The following PPFIBP2 variants were observed in gnomAD, a reference collection of about 807,000 sequenced individuals.
The protein encoded by PPFIBP2 is liprin-beta-2.
PPFIBP2 carries 118 observed loss-of-function variants against 118.3 expected under a neutral mutation model. That is an observed-to-expected ratio of 1.00 (90% CI 0.86 to 1.16). The LOEUF (loss-of-function observed/expected upper bound fraction) is 1.16, where lower values mean the gene tolerates loss of function less well. PPFIBP2 is among the 50% of genes most tolerant of loss of function. The pLI is 0.00. For missense variants in PPFIBP2, 1,195 were observed against 1,073.1 expected (o/e 1.11, Z -1.59); for synonymous variants, 414 against 397.4 (o/e 1.04, Z -0.50).
intron 14 of PPFIBP2, among the ~76,000 whole-genome samples, chr11:7,637,170 G>A (rs973899496): frequency 6.6e-6 from 1 of 152,188 alleles, no homozygotes; most frequent in Non-Finnish European, 1.5e-5. Context: ...ACCTTCTCAT[G>A]TGCATGGATC....
At chr11:7,613,026 G>T (rs945433517) in intron 6 of PPFIBP2, among the ~76,000 whole-genome samples, 1 of 152,146 alleles carries the variant, frequency 6.6e-6, no homozygotes, top group Admixed American at 6.5e-5. Context: ...TACTGCTGCT[G>T]TTTTTTCCAG....
chr11:7,641,665 C>A, intron 16 of PPFIBP2, 45 bp downstream of exon 16: 1 of 1,594,240 alleles, frequency 6.3e-7, no homozygotes, highest in African/African-American at 1.3e-5. Context: ...TAGAATTTTT[C>A]TTTTTGATTG....
intron 1 of PPFIBP2, among the ~76,000 whole-genome samples, chr11:7,517,650 G>A (rs1368628768): frequency 1.3e-5 from 2 of 152,140 alleles, no homozygotes; most frequent in Non-Finnish European, 2.9e-5. Context: ...CTCGGGGTTA[G>A]GAGACTTGTC....
chr11:7,578,740 G>A (rs1250605016), intron 3 of PPFIBP2, among the ~76,000 whole-genome samples: 3 of 152,184 alleles, frequency 2.0e-5, no homozygotes, highest in Non-Finnish European at 4.4e-5. Context: ...CAGGGAGTTT[G>A]AGGAAATTAT....
At chr11:7,649,400 A>G in intron 20 of PPFIBP2, 132 bp from the exon 21 acceptor site, 18 of 1,311,548 alleles carry the variant, frequency 1.4e-5, no homozygotes, top group African/African-American at 2.9e-5. Context: ...CCACTGTGAT[A>G]AGCTATTGGT....
At chr11:7,561,341 C>T (rs1171931006) in intron 2 of PPFIBP2, among the ~76,000 whole-genome samples, 1 of 152,218 alleles carries the variant, frequency 6.6e-6, no homozygotes, top group Non-Finnish European at 1.5e-5. Context: ...ACTAGGATTA[C>T]AGGCGTGAGC....
chr11:7,542,034 C>T (rs1174469386), intron 1 of PPFIBP2, among the ~76,000 whole-genome samples: 1 of 152,188 alleles, frequency 6.6e-6, no homozygotes, highest in Non-Finnish European at 1.5e-5. Flanking sequence ...ACTGCTGCGT[C>T]CCCTGCAGTC....
the PPFIBP2 span, chr11:7,665,677 C>T: frequency 3.4e-6 from 4 of 1,174,106 alleles, no homozygotes; most frequent in South Asian, 1.5e-5. Flanking sequence ...GAAGTCTGTA[C>T]TACTGCTCCC....
intron 14 of PPFIBP2, among the ~76,000 whole-genome samples, chr11:7,636,286 C>CTCATCCAT (rs1205106467): frequency 2.4e-5 from 2 of 83,202 alleles, no homozygotes; most frequent in African/African-American, 1.7e-4. Context: ...TTTATATTTT[C>CTCATCCAT]ACGGTAAAAT....
At chr11:7,563,397 C>A (rs1191726259) in intron 2 of PPFIBP2, among the ~76,000 whole-genome samples, 2 of 152,204 alleles carry the variant, frequency 1.3e-5, no homozygotes, top group African/African-American at 4.8e-5. Flanking sequence ...GCACACATCA[C>A]AGTGGTGGGT....
rs748511867 is a variant in PPFIBP2, at chr11:7,565,729, A to G, written c.241A>G (p.Thr81Ala). Residue 81 changes from threonine to alanine, a missense_variant, in exon 3 of 24, where the codon ACA becomes GCA. By Grantham distance (58) the Thr-to-Ala change is moderately conservative. Coordinates refer to ENST00000299492, the MANE Select transcript of PPFIBP2 (RefSeq NM_003621.5). Reference protein sequence around the residue: ...AALLSQIPGPTAAYIKEWFEE... With the variant: ...AALLSQIPGPAAAYIKEWFEE... The stretch of plus-strand genomic sequence containing the variant: ...CCTCCTGAGCCAGATCCCTGGCCCA[A>G]CAGCTGCCTACATAAAGGAATGGTT... 45 of 1,614,162 alleles carry G rather than the reference A, an allele frequency of 2.8e-5. No individual in the cohort carries two copies. The East Asian group carries it at 8.7e-4, about 31-fold the overall frequency.
intron 7 of PPFIBP2, among the ~76,000 whole-genome samples, chr11:7,621,753 G>C (rs1039999688): frequency 6.6e-6 from 1 of 152,318 alleles, no homozygotes; most frequent in Admixed American, 6.5e-5. Context: ...TGGGAGTATG[G>C]GGAGGTGGGA....
chr11:7,544,387 T>C (rs1852097386), intron 1 of PPFIBP2, among the ~76,000 whole-genome samples: 1 of 152,164 alleles, frequency 6.6e-6, no homozygotes, highest in South Asian at 2.1e-4. Flanking sequence ...TGGGTGCCCC[T>C]CGTACAGTCC....
At chr11:7,577,347 G>GTGTGTA in intron 3 of PPFIBP2, 1 of 344,822 alleles carries the variant, frequency 2.9e-6, no homozygotes, top group Non-Finnish European at 5.8e-6. Flanking sequence ...GTGTGTGTGT[G>GTGTGTA]TGTGTTTGTT....
At chr11:7,619,474 T>C (rs1849082870) in intron 6 of PPFIBP2, among the ~76,000 whole-genome samples, 1 of 152,194 alleles carries the variant, frequency 6.6e-6, no homozygotes, top group Non-Finnish European at 1.5e-5. Context: ...GGTTGAAGTT[T>C]ATGAGCTTTG....
Position 7,597,542 on chromosome 11 carries a change from C to G in PPFIBP2, c.373-18C>G. The G allele has an allele frequency of 1.2e-6, 2 of 1,608,002 alleles. No homozygotes were observed. The highest frequency in any genetic ancestry group is 2.2e-5 in the South Asian group (2 of 90,450). On this transcript the variant is annotated intron_variant, in intron 4 of 23. Transcript: ENST00000299492. ...TCAAATCCCTGGTCCTCCACCATTG[C>G]TTTATTTCCTGGAACAGGTGAGTGT...
chr11:7,656,211 T>G (rs185220697), downstream of PPFIBP2, among the ~76,000 whole-genome samples: 412 of 152,268 alleles, frequency 2.7e-3, 3 homozygotes, highest in African/African-American at 9.4e-3. Flanking sequence ...TTTTTGAGGA[T>G]CCATCACTCC....
intron 1 of PPFIBP2, among the ~76,000 whole-genome samples, chr11:7,544,608 A>G (rs557302009): frequency 6.6e-6 from 1 of 151,746 alleles, no homozygotes; most frequent in Non-Finnish European, 1.5e-5. Flanking sequence ...CCCCATCTCT[A>G]CTAAAAATAC....
chr11:7,620,166 T>G (rs1849171436), intron 6 of PPFIBP2, among the ~76,000 whole-genome samples: 1 of 152,126 alleles, frequency 6.6e-6, no homozygotes, highest in Admixed American at 6.5e-5. Flanking sequence ...ACTTCCCCAC[T>G]CAGCAACCTT....
Sources: allele counts gnomAD v4.1 joint callset (sites outside exome capture counted in the v4.1 genomes callset), GRCh38; gene constraint gnomAD v4.1.1; transcripts MANE v1.5; gene names NCBI Gene and HGNC (gene_info 2026-07-23, HGNC 2026-07-21).